The following TRPM7 variants were observed in gnomAD, a reference collection of about 807,000 sequenced individuals.
TRPM7 encodes the protein LTRPC ion channel family member 7.
TRPM7 carries 134 observed loss-of-function variants against 229.7 expected under a neutral mutation model. The observed-to-expected ratio is 0.58, with a 90% CI of 0.51 to 0.67. The LOEUF is 0.67. Ranked by LOEUF, TRPM7 falls within the 30% of genes least tolerant of loss-of-function variation. The probability of loss-of-function intolerance (pLI) is 0.00; values close to 1 mark genes in which losing one functional copy is unlikely to be tolerated. For synonymous variants in TRPM7, 699 were observed against 715.2 expected, an observed-to-expected ratio of 0.98 and a Z score of 0.36; for missense variants, 1,901 against 2,210.0, an observed-to-expected ratio of 0.86 and a Z score of 2.80.
intron 7 of TRPM7, among the ~76,000 whole-genome samples, chr15:50,636,462 A>C (rs2060911672): frequency 6.6e-6 from 1 of 152,210 alleles, no homozygotes; most frequent in African/African-American, 2.4e-5. Context: ...AAGTGCTGCG[A>C]TTATAGGCAT....
chr15:50,680,569 C>CAA (rs34276298), intron 1 of TRPM7, among the ~76,000 whole-genome samples: 18 of 106,672 alleles, frequency 1.7e-4, no homozygotes, highest in Non-Finnish European at 2.2e-4. Context: ...ACACTTGTCT[C>CAA]AAAAAAAAAA....
intron 2 of TRPM7, among the ~76,000 whole-genome samples, chr15:50,660,916 C>A (rs1374892904): frequency 6.6e-6 from 1 of 151,798 alleles, no homozygotes; most frequent in Admixed American, 6.6e-5. Flanking sequence ...ACTAAATTGA[C>A]CAATAGTAGA....
chr15:50,652,707 C>T (rs538622889), intron 3 of TRPM7, among the ~76,000 whole-genome samples: 35 of 152,066 alleles, frequency 2.3e-4, no homozygotes, highest in African/African-American at 6.0e-4. Flanking sequence ...ACTCATTCTG[C>T]TTTGGAAAAA....
chr15:50,624,375 T>C, intron 11 of TRPM7, 75 bp from the exon 12 acceptor site: 1 of 1,250,760 alleles, frequency 8.0e-7, no homozygotes, highest in Non-Finnish European at 1.1e-6. Context: ...GTTAAGTCCT[T>C]AGGATTTACA....
chr15:50,578,582 TA>T, intron 31 of TRPM7, 56 bp downstream of exon 31: 1 of 1,539,516 alleles, frequency 6.5e-7, no homozygotes, highest in Non-Finnish European at 9.0e-7. Flanking sequence ...GTGTTTGCTG[TA>T]ACAGATCATG....
chr15:50,672,011 G>A (rs768601813), intron 1 of TRPM7, among the ~76,000 whole-genome samples: 4 of 152,068 alleles, frequency 2.6e-5, no homozygotes, highest in Non-Finnish European at 2.9e-5. Context: ...ACTAGACTAC[G>A]CTTTTTATGG....
At chr15:50,603,545 G>A (rs2059837138) in intron 21 of TRPM7, among the ~76,000 whole-genome samples, 1 of 148,280 alleles carries the variant, frequency 6.7e-6, no homozygotes, top group Non-Finnish European at 1.5e-5. Flanking sequence ...TCCCACCTAT[G>A]AGTGAGAACA....
At chr15:50,601,371 C>T (rs746665704) in intron 21 of TRPM7, among the ~76,000 whole-genome samples, 9 of 152,086 alleles carry the variant, frequency 5.9e-5, no homozygotes, top group Non-Finnish European at 1.0e-4. Flanking sequence ...TTACTGGGCA[C>T]GGTGGCTCAC....
chr15:50,639,578 T>G (rs2061025660), intron 5 of TRPM7, 30 bp from the exon 6 acceptor site: 5 of 1,587,860 alleles, frequency 3.1e-6, no homozygotes, highest in Admixed American at 1.7e-5. Context: ...ATTCATTTTG[T>G]TTTTTTTATT....
At chr15:50,657,303 A>T (rs1567097383) in intron 3 of TRPM7, among the ~76,000 whole-genome samples, 1 of 152,180 alleles carries the variant, frequency 6.6e-6, no homozygotes, top group Non-Finnish European at 1.5e-5. Flanking sequence ...CAGCCTGGGT[A>T]ACAGAGCAAG....
intron 1 of TRPM7, among the ~76,000 whole-genome samples, chr15:50,669,847 C>T (rs1244738208): frequency 6.6e-6 from 1 of 152,064 alleles, no homozygotes; most frequent in Non-Finnish European, 1.5e-5. Flanking sequence ...GCACATAATA[C>T]AATCAGCGAT....
chr15:50,597,463 A>T (rs1370722525), intron 22 of TRPM7, among the ~76,000 whole-genome samples: 1 of 152,234 alleles, frequency 6.6e-6, no homozygotes, highest in Non-Finnish European at 1.5e-5. Flanking sequence ...AATTAATGGT[A>T]AGGTCTTTTC....
Position 50,613,811 on chromosome 15 carries a change from G to A in TRPM7, c.1666C>T (p.Pro556Ser). Residue 556 changes from proline (P) to serine (S), a missense_variant, in exon 15 of 39, where the codon CCT becomes TCT. Around this residue, in one of 8 missense-constraint regions of TRPM7, gnomAD observed 794 missense variants for 881.9 expected, o/e 0.90. Coordinates refer to ENST00000646667, the MANE Select transcript of TRPM7 (RefSeq NM_017672.6). ...RSGRNTSSST[P>S]QLRKSHESFG... is the part of the protein sequence containing the mutation. ...GATTCATGACTCTTTCGCAACTGAG[G>A]AGTGCTGCTGGAGGTATTTCGGCCA... is the stretch of plus-strand genomic sequence containing the variant. 1 of 1,613,302 alleles carries A rather than the reference G, an allele frequency of 6.2e-7. No homozygotes were observed. The highest frequency in any genetic ancestry group is 8.5e-7 in the Non-Finnish European group (1 of 1,179,826).
chr15:50,627,454 G>C (rs889698898), intron 11 of TRPM7, among the ~76,000 whole-genome samples: 10 of 152,152 alleles, frequency 6.6e-5, no homozygotes, highest in Admixed American at 3.3e-4. Flanking sequence ...ACAAAGCCTA[G>C]AGATAGGAGC....
intron 27 of TRPM7, 63 bp downstream of exon 27, chr15:50,589,529 G>T: frequency 8.7e-7 from 1 of 1,152,808 alleles, no homozygotes; most frequent in South Asian, 1.4e-5. Context: ...ATTAAATTTT[G>T]AACTAAACAT....
Position 50,627,480 on chromosome 15 carries a change from AAAG to A in TRPM7, c.1305+666_1305+668del, listed in dbSNP as rs1210209776. On this transcript the variant is annotated intron_variant, in intron 11 of 38. Transcript: ENST00000646667. ...AGATAGGAGCATGCTTGATATGTTCAAAGAAGAGCAAGAACGTCAACAAGGTTA... is the reference window on the plus strand; with the variant it reads ...AGATAGGAGCATGCTTGATATGTTCAAAGAGCAAGAACGTCAACAAGGTTA... Among the ~76,000 whole-genome samples the A allele has an allele frequency of 4.6e-5, 7 of 152,204 alleles. No homozygotes were observed. In the South Asian group the frequency reaches 1.0e-3, roughly 23 times the overall value.
chr15:50,604,644 T>A, intron 21 of TRPM7: 2 of 341,726 alleles, frequency 5.9e-6, no homozygotes, highest in Non-Finnish European at 1.1e-5. Context: ...ACATAAACCA[T>A]AGATGGTATA....
chr15:50,612,817 T>C lies in TRPM7; in HGVS notation c.1783A>G (p.Met595Val), dbSNP rs780365920. The change falls in exon 16 of 39, where the codon ATG becomes GTG. Residue 595 changes from methionine (M) to valine (V), a missense_variant. Met to Val is a conservative substitution (Grantham distance 21, BLOSUM62 1). Coordinates refer to ENST00000646667, the MANE Select transcript of TRPM7 (RefSeq NM_017672.6). ...GTTCTTTTCTTCTTTCCTTCTTCCA[T>C]AACTGTATCAATCTTCCAGGGAAAA... ...QPYRPKIDTV[M>V]EEGKKKRTKD... 3 of 1,611,624 alleles carry C rather than the reference T, an allele frequency of 1.9e-6. No homozygotes were observed. In the East Asian group the frequency reaches 6.7e-5, roughly 36 times the overall value.
intron 29 of TRPM7, among the ~76,000 whole-genome samples, chr15:50,582,083 C>G (rs1162840889): frequency 6.6e-6 from 1 of 152,142 alleles, no homozygotes; most frequent in African/African-American, 2.4e-5. Flanking sequence ...CTGCTTCAGC[C>G]TCCCGAGTAG....
Sources: allele counts gnomAD v4.1 joint callset (sites outside exome capture counted in the v4.1 genomes callset), GRCh38; gene constraint gnomAD v4.1.1; regional missense constraint gnomAD v4.1.1; transcripts MANE v1.5; gene names NCBI Gene and HGNC (gene_info 2026-07-23, HGNC 2026-07-21).